The following METAP2 variants were observed in gnomAD, a reference collection of about 807,000 sequenced individuals.
METAP2 encodes methionyl aminopeptidase 2.
Under a neutral mutation model 59.4 loss-of-function variants are expected in METAP2, and 25 were observed. That is an observed-to-expected ratio of 0.42 (90% CI 0.31 to 0.59). The LOEUF is 0.59. METAP2 is among the 20% of genes least tolerant of loss of function. The pLI, the probability that METAP2 is intolerant of heterozygous loss-of-function variation, is 0.16. For synonymous variants in METAP2, 214 were observed against 194.1 expected, an observed-to-expected ratio of 1.10 and a Z score of -0.85; for missense variants, 366 against 581.2, an observed-to-expected ratio of 0.63 and a Z score of 3.81.
At position 95,515,546 on chromosome 12, in the gene METAP2, G is replaced by A. The variant is rs199730350; in HGVS notation, c.*1642G>A. Reference sequence around the variant, plus strand: ...TTTAGAATTGACCTTTATGAGTGAAGACTTTTGGAGCTTTTAAAGACCTTG... The same window carrying A: ...TTTAGAATTGACCTTTATGAGTGAAAACTTTTGGAGCTTTTAAAGACCTTG... On this transcript the variant is annotated 3_prime_UTR_variant, in exon 11 of 11. Transcript: ENST00000323666. 41 of 152,312 alleles carry A rather than the reference G, an allele frequency of 2.7e-4. No individual in the cohort carries two copies. Among genetic ancestry groups the A allele is most frequent in the African/African-American group, 9.9e-4 (41 of 41,562 alleles). 9.4% of individuals were successfully genotyped at this position (152,312 alleles called of 1,614,324 possible).
intron 2 of METAP2, 59 bp from the exon 3 acceptor site, chr12:95,483,152 ACTTG>A: frequency 8.3e-7 from 1 of 1,209,204 alleles, no homozygotes; most frequent in Non-Finnish European, 1.2e-6. Flanking sequence ...GTCTCCTTGT[ACTTG>A]CTTTGTCCCT....
intron 4 of METAP2, among the ~76,000 whole-genome samples, chr12:95,487,261 G>T (rs1000516033): frequency 6.6e-6 from 1 of 152,086 alleles, no homozygotes; most frequent in Non-Finnish European, 1.5e-5. Flanking sequence ...GGTTGCAGTC[G>T]TTGGTTAAGA....
In METAP2 at chr12:95,514,014, T is replaced by C. The variant is rs1014704871; in HGVS notation, c.*110T>C. On this transcript the variant is annotated 3_prime_UTR_variant, in exon 11 of 11. Coordinates refer to ENST00000323666, the MANE Select transcript of METAP2 (RefSeq NM_006838.4). ...CTGTTTTAACAGTGGACCCATGTAA[T>C]ACTTTTATCCATGTTTAAAAAAGAA... 1 of 1,228,382 alleles carries C rather than the reference T, an allele frequency of 8.1e-7. No homozygotes were observed. The highest frequency in any genetic ancestry group is 1.5e-5 in the African/African-American group (1 of 65,314). The allele number at this position is 1,228,382 out of a possible 1,614,324, so 76.1% of individuals were successfully genotyped here.
At position 95,494,045 on chromosome 12, in the gene METAP2, C is replaced by A; in HGVS notation, c.429-11C>A. ...TTTTATCACTAATAGTATTCTATGC[C>A]CACTCTAAAGGCGAACAGCTGCTTG... On this transcript the variant is annotated splice_polypyrimidine_tract_variant and intron_variant, in intron 4 of 10. Coordinates refer to ENST00000323666, the MANE Select transcript of METAP2 (RefSeq NM_006838.4). 1 of 1,611,266 alleles carries A rather than the reference C, an allele frequency of 6.2e-7. No individual in the cohort carries two copies. The highest frequency in any genetic ancestry group is 1.1e-5 in the South Asian group (1 of 90,874).
intron 5 of METAP2, among the ~76,000 whole-genome samples, chr12:95,494,746 T>C (rs1287603304): frequency 6.6e-6 from 1 of 152,192 alleles, no homozygotes; most frequent in Non-Finnish European, 1.5e-5. Context: ...TCTGACTTTC[T>C]AGCAGAATCA....
chr12:95,496,237 C>A (rs1170124459), intron 7 of METAP2, 139 bp downstream of exon 7: 7 of 536,162 alleles, frequency 1.3e-5, no homozygotes, highest in Non-Finnish European at 2.0e-5. Flanking sequence ...TGATCCATTT[C>A]CCTTATGGTT....
chr12:95,506,957 CT>C (rs527735893), intron 8 of METAP2, among the ~76,000 whole-genome samples: 28 of 146,672 alleles, frequency 1.9e-4, no homozygotes, highest in Non-Finnish European at 2.1e-4. Context: ...AATTTTTGGA[CT>C]TTTTTTTTTA....
chr12:95,494,752 AATCAAATTCCTT>A (rs1365373710), intron 5 of METAP2, among the ~76,000 whole-genome samples, 193 bp from the exon 6 acceptor site: 37 of 152,292 alleles, frequency 2.4e-4, no homozygotes, highest in African/African-American at 7.5e-4. Flanking sequence ...TTTCTAGCAG[AATCAAATTCCTT>A]GTCTTCTAAA....
chr12:95,486,640 C>T (rs896518224), intron 4 of METAP2, among the ~76,000 whole-genome samples: 1 of 151,768 alleles, frequency 6.6e-6, no homozygotes, highest in Non-Finnish European at 1.5e-5. Flanking sequence ...TGAGATTACA[C>T]GCATGCACCA....
At chr12:95,496,887 C>T (rs55898706) in intron 7 of METAP2, among the ~76,000 whole-genome samples, 11,119 of 144,492 alleles carry the variant, frequency 0.077, 559 homozygotes, top group African/African-American at 0.13. Context: ...TGCAGTGGCA[C>T]GATCTCGACT....
rs1404753258 is a variant in METAP2 at position 95,514,774 on chromosome 12, A to G, written c.*870A>G. On this transcript the variant is annotated 3_prime_UTR_variant, in exon 11 of 11. Transcript: ENST00000323666. Reference sequence around the variant, plus strand: ...AAAGCCACAAAAGCAAAGAAGAAAAAAAAAAACTTCCCATGTTTGGATCTT... The same window carrying G: ...AAAGCCACAAAAGCAAAGAAGAAAAGAAAAAACTTCCCATGTTTGGATCTT... The G allele has an allele frequency of 6.6e-6, 1 of 152,198 alleles. No individual in the cohort carries two copies. Among genetic ancestry groups the G allele is most frequent in the Admixed American group, 6.5e-5 (1 of 15,292 alleles). The allele number at this position is 152,198 out of a possible 1,614,324, so 9.4% of individuals were successfully genotyped here.
In METAP2 at chr12:95,490,277, T is replaced by G. The variant is rs530571607; in HGVS notation, c.429-3779T>G. Among the ~76,000 whole-genome samples, 184 of 150,164 alleles carry G rather than the reference T, an allele frequency of 1.2e-3. 1 individual carries two copies. The highest frequency in any genetic ancestry group is 4.0e-3 in the African/African-American group (163 of 40,844). On this transcript the variant is annotated intron_variant, in intron 4 of 10. Coordinates refer to ENST00000323666, the MANE Select transcript of METAP2 (RefSeq NM_006838.4). Reference sequence around the variant, plus strand: ...CCACCACACCCGGCATAGTAGTTTTTTTTTTTTTTTTTCTGAGCCATTTGA... The same window carrying G: ...CCACCACACCCGGCATAGTAGTTTTGTTTTTTTTTTTTCTGAGCCATTTGA...
chr12:95,508,558 G>C (rs1269913173), intron 8 of METAP2, among the ~76,000 whole-genome samples: 1 of 152,174 alleles, frequency 6.6e-6, no homozygotes, highest in Non-Finnish European at 1.5e-5. Flanking sequence ...CAGTCTGCTT[G>C]GGGGACTACC....
At chr12:95,481,300 A>C (rs2076156648) in intron 2 of METAP2, among the ~76,000 whole-genome samples, 1 of 152,192 alleles carries the variant, frequency 6.6e-6, no homozygotes, top group African/African-American at 2.4e-5. Context: ...AGTCTCAGCT[A>C]TTCAGGAAGC....
rs1224471851 is a variant in METAP2 at position 95,474,175 on chromosome 12, G to A, written c.-5G>A. ...GTCTCATTCCCTCGCGCTCTCTCGG[G>A]CAACATGGCGGGTGTGGAGGAGGTA... On this transcript the variant is annotated 5_prime_UTR_variant, in exon 1 of 11. Transcript: ENST00000323666. 1 of 1,613,644 alleles carries A rather than the reference G, an allele frequency of 6.2e-7. No individual in the cohort carries two copies. The highest frequency in any genetic ancestry group is 1.1e-5 in the South Asian group (1 of 91,064).
intron 8 of METAP2, 113 bp downstream of exon 8, chr12:95,504,274 G>T (rs1224798988): frequency 5.8e-6 from 4 of 694,512 alleles, no homozygotes; most frequent in Non-Finnish European, 7.3e-6. Context: ...AAGGAAAGAA[G>T]ACGGGAAATG....
chr12:95,507,919 C>T (rs372339787), intron 8 of METAP2, among the ~76,000 whole-genome samples: 14 of 150,636 alleles, frequency 9.3e-5, no homozygotes, highest in South Asian at 4.2e-4. Flanking sequence ...GCTGGGATTA[C>T]ATGCGCCACC....
At chr12:95,478,034 T>C (rs2076133171) in intron 2 of METAP2, among the ~76,000 whole-genome samples, 1 of 152,190 alleles carries the variant, frequency 6.6e-6, no homozygotes. Context: ...TTAAAAAATA[T>C]TGGCTGGGTG....
rs1419023497 is a variant in METAP2, at chr12:95,494,094, A to G, written c.467A>G (p.Lys156Arg). The G allele has an allele frequency of 3.7e-6, 6 of 1,613,928 alleles. No individual in the cohort carries two copies. The East Asian group carries it at 1.3e-4, about 36-fold the overall frequency. The change falls in exon 5 of 11, where the codon AAA becomes AGA. Residue 156 changes from lysine to arginine, a missense_variant. Around this residue, in one of 4 missense-constraint regions of METAP2, gnomAD observed 106 missense variants for 221.9 expected, o/e 0.48. Coordinates refer to ENST00000323666, the MANE Select transcript of METAP2 (RefSeq NM_006838.4). ...TGGAGAACTACAAGTGAAGAAAAGAAAGCATTAGATCAGGCAAGTGAAGAG... is the reference window on the plus strand; with the variant it reads ...TGGAGAACTACAAGTGAAGAAAAGAGAGCATTAGATCAGGCAAGTGAAGAG... The part of the protein sequence containing the change: ...AAWRTTSEEK[K>R]ALDQASEEIW...
Sources: allele counts gnomAD v4.1 joint callset (sites outside exome capture counted in the v4.1 genomes callset), GRCh38; gene constraint gnomAD v4.1.1; regional missense constraint gnomAD v4.1.1; transcripts MANE v1.5; gene names NCBI Gene and HGNC (gene_info 2026-07-23, HGNC 2026-07-21).